NPFFR2: variants seen among roughly 807,000 people sequenced by gnomAD.
The protein encoded by NPFFR2 is G-protein coupled receptor 74.
In NPFFR2, 15 loss-of-function variants were observed where a neutral mutation model predicts 13.1. That is an observed-to-expected ratio of 1.15 (90% CI 0.77 to 1.76). The LOEUF (loss-of-function observed/expected upper bound fraction) is 1.76, where lower values mean the gene tolerates loss of function less well. Among genes scored for constraint, NPFFR2 ranks in the 40% most tolerant of loss-of-function variants. The probability of loss-of-function intolerance (pLI) is 0.00; values close to 1 mark genes in which losing one functional copy is unlikely to be tolerated. For missense variants in NPFFR2, 572 were observed against 503.5 expected, an observed-to-expected ratio of 1.14 and a Z score of -1.30; for synonymous variants, 190 against 175.7, an observed-to-expected ratio of 1.08 and a Z score of -0.65.
intron 2 of NPFFR2, among the ~76,000 whole-genome samples, chr4:72,136,810 G>C (rs371432520): frequency 2.0e-4 from 31 of 152,218 alleles, no homozygotes; most frequent in African/African-American, 7.2e-4. Flanking sequence ...CTATCAACAT[G>C]AGGAAAAAGC....
intron 1 of NPFFR2, among the ~76,000 whole-genome samples, chr4:72,108,542 GAATT>G (rs1721478816): frequency 1.3e-5 from 2 of 151,792 alleles, no homozygotes; most frequent in Non-Finnish European, 2.9e-5. Context: ...TTTTAACAAA[GAATT>G]AAGGCATCTA....
At chr4:72,110,560 G>C (rs569280451) in intron 1 of NPFFR2, among the ~76,000 whole-genome samples, 63 of 152,146 alleles carry the variant, frequency 4.1e-4, no homozygotes, top group South Asian at 2.3e-3. Context: ...CCAAGACAAA[G>C]TTGGTTTCCC....
chr4:72,109,910 A>G (rs137898293), intron 1 of NPFFR2, among the ~76,000 whole-genome samples: 1 of 151,982 alleles, frequency 6.6e-6, no homozygotes, highest in Non-Finnish European at 1.5e-5. Flanking sequence ...AGAAACTCTC[A>G]TCAGTGAACC....
In NPFFR2 at chr4:72,119,529, C is replaced by T. The variant is rs550439603; in HGVS notation, c.-7-9056C>T. On this transcript the variant is annotated intron_variant, in intron 1 of 3. Coordinates refer to ENST00000308744, the MANE Select transcript of NPFFR2 (RefSeq NM_004885.3). Reference sequence around the variant, plus strand: ...AACAGCTCTGGTCTGCAGCTCCCAGCGAGATCAACACAGAAGGCAGGTGAT... The same window carrying T: ...AACAGCTCTGGTCTGCAGCTCCCAGTGAGATCAACACAGAAGGCAGGTGAT... 2.0e-4 allele frequency among the ~76,000 whole-genome samples: 31 copies of T among 152,238 alleles called. No homozygotes were observed. The Middle Eastern group carries it at 0.01, about 50-fold the overall frequency.
At chr4:72,079,115 G>A (rs1720527704) in intron 1 of NPFFR2, among the ~76,000 whole-genome samples, 1 of 150,408 alleles carries the variant, frequency 6.6e-6, no homozygotes, top group Non-Finnish European at 1.5e-5. Context: ...TAAGCTCAGT[G>A]GATTGTATCA....
chr4:72,082,000 G>T (rs539466374), intron 1 of NPFFR2, among the ~76,000 whole-genome samples: 1 of 152,278 alleles, frequency 6.6e-6, no homozygotes, highest in African/African-American at 2.4e-5. Context: ...CTAAGATCAA[G>T]CCTTGTCAGG....
At chr4:72,039,352 C>T (rs1246471949) in intron 1 of NPFFR2, 2 of 982,814 alleles carry the variant, frequency 2.0e-6, no homozygotes, top group Admixed American at 1.2e-4. Context: ...GCCACCGCGC[C>T]CGGCCAATTT....
At chr4:72,090,950 T>C (rs1720900633) in intron 1 of NPFFR2, among the ~76,000 whole-genome samples, 1 of 152,160 alleles carries the variant, frequency 6.6e-6, no homozygotes, top group Admixed American at 6.6e-5. Flanking sequence ...TAATGTTGGC[T>C]GTGGGTTTGT....
At chr4:72,076,770 C>A (rs1480771277) in intron 1 of NPFFR2, among the ~76,000 whole-genome samples, 1 of 152,114 alleles carries the variant, frequency 6.6e-6, no homozygotes, top group African/African-American at 2.4e-5. Context: ...AGAGAGCAAG[C>A]AAATTCATTC....
chr4:72,080,745 G>A (rs926682686), intron 1 of NPFFR2, among the ~76,000 whole-genome samples: 2 of 152,078 alleles, frequency 1.3e-5, no homozygotes, highest in Admixed American at 6.6e-5. Flanking sequence ...GGATAAGAGA[G>A]GAAATCCCAT....
At chr4:72,143,042 T>A (rs1485513269) in intron 3 of NPFFR2, among the ~76,000 whole-genome samples, 1 of 152,190 alleles carries the variant, frequency 6.6e-6, no homozygotes, top group African/African-American at 2.4e-5. Context: ...AAGTGAGACC[T>A]TCTGATTCCT....
At chr4:72,134,608 A>G (rs1184306104) in intron 2 of NPFFR2, among the ~76,000 whole-genome samples, 1 of 152,152 alleles carries the variant, frequency 6.6e-6, no homozygotes, top group African/African-American at 2.4e-5. Flanking sequence ...TCTCTCTTAT[A>G]AAATGTTTTT....
At chr4:72,057,799 C>G (rs1312447099) in intron 1 of NPFFR2, among the ~76,000 whole-genome samples, 1 of 151,962 alleles carries the variant, frequency 6.6e-6, no homozygotes, top group Non-Finnish European at 1.5e-5. Context: ...AGAGACCTGG[C>G]AAATCAAGGT....
chr4:72,087,790 G>A (rs1350325368), intron 1 of NPFFR2, among the ~76,000 whole-genome samples: 1 of 151,992 alleles, frequency 6.6e-6, no homozygotes, highest in African/African-American at 2.4e-5. Context: ...GTTCCCACAG[G>A]CTGAGATTAA....
At chr4:72,042,695 G>A (rs574847484) in intron 1 of NPFFR2, among the ~76,000 whole-genome samples, 1 of 152,290 alleles carries the variant, frequency 6.6e-6, no homozygotes, top group South Asian at 2.1e-4. Context: ...CTTTCCTAGA[G>A]ATCTGTGGAA....
intron 3 of NPFFR2, among the ~76,000 whole-genome samples, chr4:72,144,446 G>A (rs1185064703): frequency 6.6e-6 from 1 of 152,130 alleles, no homozygotes; most frequent in Non-Finnish European, 1.5e-5. Context: ...ACTTGGAAAT[G>A]TTTTAAAACT....
At chr4:72,146,008 G>T (rs941865061) in intron 3 of NPFFR2, among the ~76,000 whole-genome samples, 3 of 152,126 alleles carry the variant, frequency 2.0e-5, no homozygotes, top group South Asian at 2.1e-4. Context: ...CTGAATTTTT[G>T]TACTCACCAG....
intron 1 of NPFFR2, among the ~76,000 whole-genome samples, chr4:72,078,856 C>A (rs1011344690): frequency 5.3e-5 from 8 of 151,874 alleles, no homozygotes; most frequent in Non-Finnish European, 1.0e-4. Flanking sequence ...ATATATTATT[C>A]CATTTATATA....
chr4:72,068,289 C>T, intron 1 of NPFFR2, among the ~76,000 whole-genome samples: 1 of 152,140 alleles, frequency 6.6e-6, no homozygotes, highest in East Asian at 1.9e-4. Flanking sequence ...TCTCTGGTTC[C>T]AAGATGGCAC....
Sources: allele counts gnomAD v4.1 joint callset (sites outside exome capture counted in the v4.1 genomes callset), GRCh38; gene constraint gnomAD v4.1.1; transcripts MANE v1.5; gene names NCBI Gene and HGNC (gene_info 2026-07-23, HGNC 2026-07-21).